Variants in STK10 observed in about 807,000 individuals in gnomAD.
STK10 encodes the protein serine/threonine kinase 10, also known as serine/threonine-protein kinase 10.
A neutral mutation model predicts 113.8 loss-of-function variants in STK10; 78 were observed. The ratio of observed to expected loss-of-function variants is 0.69; its 90% CI spans 0.57 to 0.83. STK10 has a LOEUF of 0.83. STK10 is among the 40% of genes least tolerant of loss of function. The pLI is 0.00. For synonymous variants in STK10, 465 were observed against 494.7 expected (o/e 0.94, Z 0.80); for missense variants, 1,109 against 1,280.1 (o/e 0.87, Z 2.04).
intron 2 of STK10, among the ~76,000 whole-genome samples, chr5:172,149,569 G>A (rs1359206976): frequency 1.7e-5 from 2 of 115,332 alleles, no homozygotes; most frequent in East Asian, 2.5e-4. Flanking sequence ...CCCCAATCCA[G>A]AGAGAGGGCA....
intron 2 of STK10, among the ~76,000 whole-genome samples, chr5:172,147,599 G>A (rs890324860): frequency 1.3e-5 from 2 of 152,100 alleles, no homozygotes; most frequent in Non-Finnish European, 2.9e-5. Flanking sequence ...TCACCATATT[G>A]GCCAGGGTGG....
chr5:172,147,110 T>C (rs1770102585), intron 2 of STK10, among the ~76,000 whole-genome samples: 1 of 152,158 alleles, frequency 6.6e-6, no homozygotes, highest in African/African-American at 2.4e-5. Context: ...TTACTTATGT[T>C]TACTGATTCA....
At chr5:172,167,028 C>T (rs551555696) in intron 1 of STK10, among the ~76,000 whole-genome samples, 3 of 151,938 alleles carry the variant, frequency 2.0e-5, no homozygotes, top group East Asian at 3.9e-4. Flanking sequence ...GGCAAGATGG[C>T]GCGCACCTGT....
intron 1 of STK10, among the ~76,000 whole-genome samples, chr5:172,183,331 A>C (rs1770896370): frequency 6.6e-6 from 1 of 152,228 alleles, no homozygotes; most frequent in African/African-American, 2.4e-5. Context: ...TATCACAGCA[A>C]GCACACCCGC....
At chr5:172,186,665 C>G (rs193107297) in intron 1 of STK10, among the ~76,000 whole-genome samples, 3 of 152,242 alleles carry the variant, frequency 2.0e-5, no homozygotes, top group African/African-American at 7.2e-5. Flanking sequence ...CACTCCAAGC[C>G]TCTAGGGCAG....
At chr5:172,170,522 T>C (rs1053139879) in intron 1 of STK10, among the ~76,000 whole-genome samples, 24 of 152,192 alleles carry the variant, frequency 1.6e-4, no homozygotes, top group Non-Finnish European at 1.0e-4. Flanking sequence ...CAGAATGACG[T>C]GGCTTTCAAA....
chr5:172,161,548 ATTTC>A (rs1770472319), intron 1 of STK10, among the ~76,000 whole-genome samples: 1 of 152,026 alleles, frequency 6.6e-6, no homozygotes, highest in African/African-American at 2.4e-5. Flanking sequence ...TTAGATAAAT[ATTTC>A]TTTCATTAAT....
At chr5:172,166,206 T>C (rs1770568404) in intron 1 of STK10, among the ~76,000 whole-genome samples, 1 of 152,178 alleles carries the variant, frequency 6.6e-6, no homozygotes, top group Non-Finnish European at 1.5e-5. Context: ...TGCCACTCCT[T>C]CAGAGTGGCT....
chr5:172,177,537 CAT>C (rs1180861454), intron 1 of STK10, among the ~76,000 whole-genome samples: 1 of 152,224 alleles, frequency 6.6e-6, no homozygotes, highest in Non-Finnish European at 1.5e-5. Context: ...TCACTAGCCA[CAT>C]GTCACTATCG....
At chr5:172,182,678 A>G (rs1770880880) in intron 1 of STK10, among the ~76,000 whole-genome samples, 1 of 149,476 alleles carries the variant, frequency 6.7e-6, no homozygotes, top group Admixed American at 6.8e-5. Context: ...CTCAGCCTCC[A>G]GAGCAGCTGG....
intron 1 of STK10, among the ~76,000 whole-genome samples, chr5:172,166,606 T>C (rs182597739): frequency 3.9e-5 from 6 of 152,284 alleles, no homozygotes; most frequent in Admixed American, 3.3e-4. Flanking sequence ...ACAGCAACTA[T>C]GGAATTCTTC....
chr5:172,121,520 T>A (rs534947682), intron 3 of STK10, among the ~76,000 whole-genome samples: 24 of 151,858 alleles, frequency 1.6e-4, no homozygotes, highest in East Asian at 3.9e-4. Context: ...ATAAAAAAAA[T>A]TTTTGGCAGG....
intron 17 of STK10, among the ~76,000 whole-genome samples, chr5:172,054,123 G>A (rs1301984475): frequency 6.6e-6 from 1 of 152,190 alleles, no homozygotes; most frequent in Non-Finnish European, 1.5e-5. Context: ...ACCAGCTCCT[G>A]GGGCCAGGAC....
At chr5:172,116,643 G>A (rs1248793964) in intron 4 of STK10, among the ~76,000 whole-genome samples, 1 of 147,658 alleles carries the variant, frequency 6.8e-6, no homozygotes, top group East Asian at 2.1e-4. Flanking sequence ...CGAGGCGGGT[G>A]GTTCACTTGT....
chr5:172,078,770 C>G (rs1009638104), intron 12 of STK10, among the ~76,000 whole-genome samples: 3 of 141,172 alleles, frequency 2.1e-5, no homozygotes, highest in African/African-American at 8.8e-5. Context: ...CCAGATCCCA[C>G]GCTCTGCCTC....
chr5:172,134,910 C>G (rs1038134410), intron 2 of STK10, among the ~76,000 whole-genome samples: 2 of 147,626 alleles, frequency 1.4e-5, no homozygotes, highest in Non-Finnish European at 3.0e-5. Context: ...GGAGAAAGAA[C>G]AAGACTTTAT....
chr5:172,130,431 G>T (rs3776756), intron 2 of STK10, among the ~76,000 whole-genome samples: 46,460 of 151,430 alleles, frequency 0.31, 8,294 homozygotes, highest in African/African-American at 0.5. Flanking sequence ...CTTGGGAGGC[G>T]GAGGCAGGAG....
At chr5:172,114,469 A>ATTTTTTT (rs1561813222) in intron 4 of STK10, 6 of 36,192 alleles carry the variant, frequency 1.7e-4, no homozygotes, top group Non-Finnish European at 3.0e-4. Flanking sequence ...ATATATATAT[A>ATTTTTTT]TATATTTTTT....
In STK10 at chr5:172,133,141, A is replaced by G. The variant is rs1256107656; in HGVS notation, c.322-5720T>C. ...TGGGAATCCAGCAGGCTGGAGGTCA[A>G]TTAGAACTAGAACTTGAACATCTCA... On this transcript the variant is annotated intron_variant, in intron 2 of 18. Transcript: ENST00000176763. This position sits in a 1 kb window ranked among gnomAD's most constrained non-coding sequence, Gnocchi z 4.9. Among the ~76,000 whole-genome samples the G allele has an allele frequency of 6.6e-6, 1 of 152,190 alleles. No individual in the cohort carries two copies. Among genetic ancestry groups the G allele is most frequent in the East Asian group, 1.9e-4 (1 of 5,192 alleles).
Sources: allele counts gnomAD v4.1 joint callset (sites outside exome capture counted in the v4.1 genomes callset), GRCh38; gene constraint gnomAD v4.1.1; non-coding constraint Gnocchi (gnomAD v3.1); transcripts MANE v1.5; gene names NCBI Gene and HGNC (gene_info 2026-07-23, HGNC 2026-07-21).